The following COLEC12 variants were observed in gnomAD, a reference collection of about 807,000 sequenced individuals.
COLEC12 encodes the protein collectin-12.
Under a neutral mutation model 71.1 loss-of-function variants are expected in COLEC12, and 33 were observed. The ratio of observed to expected loss-of-function variants is 0.46; its 90% confidence interval spans 0.35 to 0.62. The LOEUF (loss-of-function observed/expected upper bound fraction) is 0.62, where lower values mean the gene tolerates loss of function less well. Ranked by LOEUF, COLEC12 falls within the 20% of genes least tolerant of loss-of-function variation. COLEC12 has a pLI of 0.00. For missense variants in COLEC12, 765 were observed against 916.1 expected (o/e 0.84, Z 2.13); for synonymous variants, 350 against 353.0 (o/e 0.99, Z 0.10).
intron 2 of COLEC12, among the ~76,000 whole-genome samples, chr18:406,757 C>T (rs1016239149): frequency 6.6e-6 from 1 of 152,196 alleles, no homozygotes; most frequent in Non-Finnish European, 1.5e-5. Flanking sequence ...TCAGTGCTCT[C>T]CAGGACTGGT....
intron 2 of COLEC12, among the ~76,000 whole-genome samples, chr18:471,105 T>A (rs1917186842): frequency 6.6e-6 from 1 of 152,146 alleles, no homozygotes; most frequent in African/African-American, 2.4e-5. Context: ...GATCTGTGCA[T>A]GGAAATATTC....
At chr18:495,766 G>A (rs1035837034) in intron 1 of COLEC12, among the ~76,000 whole-genome samples, 12 of 152,196 alleles carry the variant, frequency 7.9e-5, no homozygotes, top group Non-Finnish European at 1.5e-4. Flanking sequence ...CATTATTAGG[G>A]CATAGCTAGG....
intron 5 of COLEC12, among the ~76,000 whole-genome samples, chr18:344,420 G>A (rs1354999925): frequency 6.6e-6 from 1 of 152,128 alleles, no homozygotes; most frequent in East Asian, 1.9e-4. Context: ...CTCTCCTAGG[G>A]GTGAAAGCTC....
At chr18:424,961 G>A (rs560172888) in intron 2 of COLEC12, among the ~76,000 whole-genome samples, 18 of 152,214 alleles carry the variant, frequency 1.2e-4, no homozygotes, top group African/African-American at 4.1e-4. Flanking sequence ...GAGGCGAGCC[G>A]GGCGGCCTTC....
chr18:435,984 T>C (rs1270397510), intron 2 of COLEC12, among the ~76,000 whole-genome samples: 1 of 152,208 alleles, frequency 6.6e-6, no homozygotes, highest in Non-Finnish European at 1.5e-5. Context: ...TCCATGTGTA[T>C]GAAAGTTGTC....
chr18:430,449 A>C (rs559955394), intron 2 of COLEC12, among the ~76,000 whole-genome samples: 76 of 152,176 alleles, frequency 5.0e-4, no homozygotes, highest in Non-Finnish European at 8.5e-4. Context: ...ATTTTTCCAG[A>C]GTTCTTTCCT....
At chr18:450,180 A>G (rs1422328106) in intron 2 of COLEC12, among the ~76,000 whole-genome samples, 4 of 152,196 alleles carry the variant, frequency 2.6e-5, no homozygotes, top group Admixed American at 2.6e-4. Flanking sequence ...CTCGGCTTCC[A>G]TAACACCACA....
intron 1 of COLEC12, among the ~76,000 whole-genome samples, chr18:483,771 T>G (rs1009567546): frequency 7.9e-5 from 12 of 152,218 alleles, no homozygotes; most frequent in Non-Finnish European, 1.6e-4. Context: ...GCCTCGTCTA[T>G]TCTCCATTTA....
chr18:489,900 G>A (rs1321445942), intron 1 of COLEC12, among the ~76,000 whole-genome samples: 1 of 152,212 alleles, frequency 6.6e-6, no homozygotes, highest in Non-Finnish European at 1.5e-5. Context: ...AAAAAGTGAA[G>A]CAAGAGCACT....
chr18:341,999 T>C (rs1323113805), intron 5 of COLEC12, among the ~76,000 whole-genome samples: 1 of 152,252 alleles, frequency 6.6e-6, no homozygotes, highest in East Asian at 1.9e-4. Flanking sequence ...AGAAGTCTTC[T>C]GTGTACATAA....
At chr18:376,942 G>C (rs1442271645) in intron 2 of COLEC12, among the ~76,000 whole-genome samples, 1 of 152,244 alleles carries the variant, frequency 6.6e-6, no homozygotes, top group Admixed American at 6.5e-5. Context: ...AGAATGTAAA[G>C]TACGAGCTCT....
intron 3 of COLEC12, among the ~76,000 whole-genome samples, chr18:350,702 T>A (rs112197760): frequency 6.6e-6 from 1 of 151,564 alleles, no homozygotes; most frequent in African/African-American, 2.4e-5. Flanking sequence ...CTGGGGTGGG[T>A]GGATCATTTG....
At chr18:440,990 T>C (rs1041471479) in intron 2 of COLEC12, among the ~76,000 whole-genome samples, 1 of 152,002 alleles carries the variant, frequency 6.6e-6, no homozygotes, top group African/African-American at 2.4e-5. Flanking sequence ...GGCTCACGCC[T>C]GTAATCCCAG....
chr18:329,629 T>A (rs1181461843), intron 8 of COLEC12, among the ~76,000 whole-genome samples: 1 of 152,002 alleles, frequency 6.6e-6, no homozygotes, highest in Non-Finnish European at 1.5e-5. Context: ...CCCCTTCCTC[T>A]CCCCAGGACA....
chr18:368,842 G>A (rs1206917068), intron 2 of COLEC12, among the ~76,000 whole-genome samples: 1 of 152,136 alleles, frequency 6.6e-6, no homozygotes, highest in African/African-American at 2.4e-5. Context: ...CTCCAGCCTG[G>A]GCAACAGAGC....
intron 2 of COLEC12, among the ~76,000 whole-genome samples, chr18:377,590 G>A (rs1365860401): frequency 6.6e-6 from 1 of 152,198 alleles, no homozygotes; most frequent in Admixed American, 6.5e-5. Context: ...GTTGCTCAAA[G>A]GAAAGGAGCC....
chr18:426,214 T>C (rs1916195518), intron 2 of COLEC12, among the ~76,000 whole-genome samples: 1 of 152,206 alleles, frequency 6.6e-6, no homozygotes, highest in African/African-American at 2.4e-5. Context: ...TCCTAGGATG[T>C]AATTAAGAAA....
intron 2 of COLEC12, among the ~76,000 whole-genome samples, chr18:363,963 A>G (rs754095959): frequency 5.3e-5 from 8 of 152,252 alleles, no homozygotes; most frequent in Non-Finnish European, 5.9e-5. Flanking sequence ...TCTGTGCAAA[A>G]TAAGTGAAGC....
intron 2 of COLEC12, among the ~76,000 whole-genome samples, chr18:472,886 GACCTGGAGC>G (rs201641798): frequency 1.3e-5 from 2 of 151,794 alleles, no homozygotes; most frequent in East Asian, 3.9e-4. Context: ...CACAAGGGGA[GACCTGGAGC>G]ACCTGGGAGA....
Sources: gnomAD v4.1 joint callset for allele counts (sites outside exome capture counted in the v4.1 genomes callset) on GRCh38, gnomAD v4.1.1 for gene constraint, MANE v1.5 for transcripts, NCBI Gene and HGNC (gene_info 2026-07-23, HGNC 2026-07-21) for gene names.